Variants in CDKL5 observed in about 807,000 individuals in gnomAD.
CDKL5 encodes cyclin-dependent kinase-like 5.
Under a neutral mutation model 61.7 loss-of-function variants are expected in CDKL5, and 8 were observed. That is an observed-to-expected ratio of 0.13 (90% CI 0.08 to 0.23). CDKL5 has a LOEUF of 0.23. Ranked by LOEUF, CDKL5 falls within the 10% of genes least tolerant of loss-of-function variation. CDKL5 has a pLI of 1.00. For missense variants in CDKL5, 440 were observed against 734.5 expected (o/e 0.60, Z 4.63); for synonymous variants, 275 against 272.3 (o/e 1.01, Z -0.10).
chrX:18,577,887 A>G (rs1337802594), intron 5 of CDKL5, among the ~76,000 whole-genome samples: 1 of 112,011 alleles, frequency 8.9e-6, no homozygotes, highest in Non-Finnish European at 1.9e-5. Context: ...TTAATTGAAA[A>G]AGAGAATTCA....
chrX:18,594,864 C>T (rs1312482467), intron 9 of CDKL5, among the ~76,000 whole-genome samples: 1 of 112,331 alleles, frequency 8.9e-6, no homozygotes, highest in Non-Finnish European at 1.9e-5. Flanking sequence ...TATTATTTGA[C>T]ACCCAGTCGT....
chrX:18,460,792 T>C (rs1167854767), intron 1 of CDKL5, among the ~76,000 whole-genome samples: 1 of 112,170 alleles, frequency 8.9e-6, no homozygotes, highest in African/African-American at 3.2e-5. Context: ...TGAGCCACCA[T>C]TCCTGGCTTA....
Position 18,604,001 on chromosome X carries a change from T to C in CDKL5, c.1077T>C (p.Gly359=). The stretch of plus-strand genomic sequence containing the variant: ...TAGGCCTGCCCCGGGCTGACGAAGG[T>C]CTCCCTGCCAATGAAAGCTTCCTAA... ...LSVGLPRADE[G]LPANESFLNG... The change falls in exon 12 of 18, where the codon GGT becomes GGC. Residue 359 remains glycine (G), a synonymous_variant. Transcript: ENST00000623535. 1 of 1,210,509 alleles carries C rather than the reference T, an allele frequency of 8.3e-7. No individual in the cohort carries two copies. The highest frequency in any genetic ancestry group is 1.1e-6 in the Non-Finnish European group (1 of 895,174).
chrX:18,452,723 T>G (rs995112023), intron 1 of CDKL5, among the ~76,000 whole-genome samples: 1 of 109,313 alleles, frequency 9.1e-6, no homozygotes, highest in African/African-American at 3.3e-5. Flanking sequence ...GTCCAGTCAG[T>G]AAAATGATAA....
chrX:18,619,999 C>T, intron 16 of CDKL5, 33 bp downstream of exon 16: 1 of 850,016 alleles, frequency 1.2e-6, no homozygotes, highest in Admixed American at 2.4e-5. Context: ...TATATAATAA[C>T]ATGTTTCTGC....
intron 17 of CDKL5, chrX:18,627,355 A>G (rs2147177981): frequency 8.9e-6 from 1 of 112,067 alleles, no homozygotes; most frequent in East Asian, 2.8e-4. Context: ...ATACCATGAC[A>G]TTTACAGCAA....
chrX:18,602,317 G>A (rs1421403700), intron 11 of CDKL5, among the ~76,000 whole-genome samples: 1 of 112,304 alleles, frequency 8.9e-6, no homozygotes, highest in Non-Finnish European at 1.9e-5. Context: ...AAAAGTCGCT[G>A]AGATATTTCA....
At chrX:18,544,638 G>A (rs947776611) in intron 3 of CDKL5, among the ~76,000 whole-genome samples, 9 of 111,733 alleles carry the variant, frequency 8.1e-5, no homozygotes, top group Non-Finnish European at 1.7e-4. Flanking sequence ...TTTCAGCGAC[G>A]TGACAACCTT....
chrX:18,608,117 T>C (rs1347796829), intron 12 of CDKL5, among the ~76,000 whole-genome samples: 2 of 111,358 alleles, frequency 1.8e-5, no homozygotes, highest in Admixed American at 9.6e-5. Flanking sequence ...GTGAACACCA[T>C]TGTGGACCGA....
chrX:18,478,047 A>G (rs2147069826), intron 1 of CDKL5, among the ~76,000 whole-genome samples: 1 of 110,997 alleles, frequency 9.0e-6, no homozygotes, highest in East Asian at 2.8e-4. Flanking sequence ...GTCTAGTGTC[A>G]CTTGTTTTCA....
At chrX:18,617,519 A>G (rs905509916) in intron 15 of CDKL5, among the ~76,000 whole-genome samples, 3 of 112,169 alleles carry the variant, frequency 2.7e-5, no homozygotes, top group Non-Finnish European at 5.6e-5. Context: ...TGTATAACTC[A>G]TTCTGCATTC....
intron 4 of CDKL5, among the ~76,000 whole-genome samples, chrX:18,566,574 C>G (rs775706303): frequency 5.3e-4 from 60 of 112,269 alleles, no homozygotes; most frequent in Non-Finnish European, 9.2e-4. Flanking sequence ...GAGTGGAAAT[C>G]TAGTGTATCC....
intron 2 of CDKL5, among the ~76,000 whole-genome samples, chrX:18,507,446 C>CTT (rs200439467): frequency 3.2e-4 from 23 of 72,373 alleles, no homozygotes; most frequent in African/African-American, 6.2e-4. Context: ...TGCCTTCATT[C>CTT]TTTTTTTTTT....
At chrX:18,514,924 G>A (rs759832916) in intron 3 of CDKL5, among the ~76,000 whole-genome samples, 39 of 109,382 alleles carry the variant, frequency 3.6e-4, no homozygotes, top group Admixed American at 9.9e-4. Flanking sequence ...TCAGCCTCCC[G>A]AGTATCTGGG....
chrX:18,517,378 A>G (rs1284516171), intron 3 of CDKL5, among the ~76,000 whole-genome samples: 2 of 111,380 alleles, frequency 1.8e-5, no homozygotes, highest in Non-Finnish European at 3.8e-5. Flanking sequence ...ACAGCTCTCT[A>G]CTACATCTTT....
chrX:18,510,138 C>G lies in CDKL5; in HGVS notation c.65-682C>G, dbSNP rs371449329. ...GCTTACTACTGGGATGTCATTAGCTCTTAAGGTTTTTTTGTTTGTTTGTTT... is the reference window on the plus strand; with the variant it reads ...GCTTACTACTGGGATGTCATTAGCTGTTAAGGTTTTTTTGTTTGTTTGTTT... On this transcript the variant is annotated intron_variant, in intron 2 of 17. Transcript: ENST00000623535. Among the ~76,000 whole-genome samples, 15 of 109,824 alleles carry G rather than the reference C, an allele frequency of 1.4e-4. No homozygotes were observed. In the East Asian group the frequency reaches 2.0e-3, roughly 15 times the overall value.
At chrX:18,478,331 C>T (rs1291031535) in intron 1 of CDKL5, among the ~76,000 whole-genome samples, 11 of 101,640 alleles carry the variant, frequency 1.1e-4, no homozygotes, top group African/African-American at 3.6e-4. Flanking sequence ...CACTTTGTCG[C>T]CCAGGTTGGA....
At chrX:18,552,496 T>G (rs1924435236) in intron 3 of CDKL5, among the ~76,000 whole-genome samples, 1 of 112,196 alleles carries the variant, frequency 8.9e-6, no homozygotes, top group Non-Finnish European at 1.9e-5. Context: ...CTGTTCTCCT[T>G]TTTTGCTGAG....
chrX:18,615,659 T>C (rs144269421), intron 15 of CDKL5, among the ~76,000 whole-genome samples: 1,305 of 111,812 alleles, frequency 0.012, 15 homozygotes, highest in African/African-American at 0.04. Context: ...CTCAAGTGAC[T>C]GACTGCCTCA....
Sources: gnomAD v4.1 joint callset for allele counts (sites outside exome capture counted in the v4.1 genomes callset) on GRCh38, gnomAD v4.1.1 for gene constraint, MANE v1.5 for transcripts, NCBI Gene and HGNC (gene_info 2026-07-23, HGNC 2026-07-21) for gene names.